Variants in FSTL4 observed in about 807,000 individuals in gnomAD.
The protein encoded by FSTL4 is follistatin-related protein 4.
FSTL4 carries 28 observed loss-of-function variants against 78.2 expected under a neutral mutation model. That is an observed-to-expected ratio of 0.36 (90% confidence interval 0.27 to 0.49). FSTL4 has a LOEUF of 0.49. Among genes scored for constraint, FSTL4 ranks in the 20% least tolerant of loss-of-function variants. The pLI is 0.98. For missense variants in FSTL4, 922 were observed against 1,084.9 expected, an observed-to-expected ratio of 0.85 and a Z score of 2.11; for synonymous variants, 422 against 440.5, an observed-to-expected ratio of 0.96 and a Z score of 0.53.
the FSTL4 span, among the ~76,000 whole-genome samples, chr5:133,817,242 C>T: frequency 6.6e-6 from 1 of 152,242 alleles, no homozygotes; most frequent in Non-Finnish European, 1.5e-5. Flanking sequence ...GCTCAGGTCA[C>T]ACTGCAAGTA....
chr5:133,651,495 G>C, the FSTL4 span, among the ~76,000 whole-genome samples: 1 of 151,990 alleles, frequency 6.6e-6, no homozygotes, highest in South Asian at 2.1e-4. Flanking sequence ...CTACTGATAT[G>C]ATCATGTGAT....
At chr5:133,740,360 A>G in the FSTL4 span, among the ~76,000 whole-genome samples, 131 of 152,230 alleles carry the variant, frequency 8.6e-4, 1 homozygote, top group Middle Eastern at 0.01. Context: ...CCATAAAGCA[A>G]TCCAGGCCCA....
At chr5:133,813,237 CG>C in the FSTL4 span, among the ~76,000 whole-genome samples, 1 of 152,094 alleles carries the variant, frequency 6.6e-6, no homozygotes, top group Non-Finnish European at 1.5e-5. Flanking sequence ...AAAAAATAAA[CG>C]TGAAATAAAT....
At chr5:133,676,670 C>G in the FSTL4 span, among the ~76,000 whole-genome samples, 6 of 152,194 alleles carry the variant, frequency 3.9e-5, no homozygotes, top group Non-Finnish European at 7.3e-5. Context: ...ACTAAATCTA[C>G]AGGCTCAGAT....
In FSTL4 at chr5:133,225,053, T is replaced by C. The variant is rs1430886612; in HGVS notation, c.1312+97A>G. The stretch of plus-strand genomic sequence containing the variant: ...GCTTACCCCTGTCTTCACGGGCTCA[T>C]GGTTGGCAGCTGTGGCCCTGGTCAA... On this transcript the variant is annotated intron_variant, in intron 10 of 15. Coordinates refer to ENST00000265342, the MANE Select transcript of FSTL4 (RefSeq NM_015082.2). The surrounding 1 kb of genome is among the most constrained non-coding windows in gnomAD (Gnocchi z 4.6). 7.2e-7 allele frequency: 1 copy of C among 1,396,026 alleles called. No individual in the cohort carries two copies. The highest frequency in any genetic ancestry group is 1.0e-6 in the Non-Finnish European group (1 of 991,260). 86.5% of individuals were successfully genotyped at this position (1,396,026 alleles called of 1,614,324 possible).
chr5:133,436,860 G>GGGA (rs1757044089), intron 3 of FSTL4, among the ~76,000 whole-genome samples: 2 of 152,310 alleles, frequency 1.3e-5, no homozygotes, highest in African/African-American at 4.8e-5. Context: ...AAAGAATGCA[G>GGGA]GGAGACTGGT....
At chr5:133,424,396 G>A (rs538190893) in intron 3 of FSTL4, among the ~76,000 whole-genome samples, 1 of 152,194 alleles carries the variant, frequency 6.6e-6, no homozygotes, top group East Asian at 1.9e-4. Flanking sequence ...CAACCCGAGG[G>A]GACTGTTTTG....
chr5:133,546,779 C>G (rs1032982840), intron 3 of FSTL4, among the ~76,000 whole-genome samples: 3 of 152,130 alleles, frequency 2.0e-5, no homozygotes, highest in Non-Finnish European at 2.9e-5. Context: ...GGTCTCTGTT[C>G]CCCACATTCC....
the FSTL4 span, among the ~76,000 whole-genome samples, chr5:133,747,363 G>A: frequency 6.6e-6 from 1 of 152,206 alleles, no homozygotes; most frequent in Non-Finnish European, 1.5e-5. Flanking sequence ...CAAATCCAGT[G>A]ATTCTATCAG....
chr5:133,462,514 G>A (rs1251463395), intron 3 of FSTL4, among the ~76,000 whole-genome samples: 1 of 152,186 alleles, frequency 6.6e-6, no homozygotes, highest in Non-Finnish European at 1.5e-5. Context: ...GAGGATGCAG[G>A]GGTTGACTCT....
intron 4 of FSTL4, among the ~76,000 whole-genome samples, chr5:133,384,593 G>A (rs779575765): frequency 2.6e-5 from 4 of 152,136 alleles, no homozygotes; most frequent in East Asian, 3.9e-4. Flanking sequence ...GTGATTCTCC[G>A]GTCTGCCCAC....
chr5:133,691,289 T>C, the FSTL4 span, among the ~76,000 whole-genome samples: 1 of 152,224 alleles, frequency 6.6e-6, no homozygotes, highest in Non-Finnish European at 1.5e-5. Context: ...AATACATAAT[T>C]GCCAGCCATA....
At chr5:133,284,589 C>G (rs1753086407) in intron 6 of FSTL4, among the ~76,000 whole-genome samples, 1 of 149,246 alleles carries the variant, frequency 6.7e-6, no homozygotes, top group Admixed American at 6.6e-5. Context: ...GACACAGCCC[C>G]TGGCATGTGC....
At chr5:133,572,843 C>T (rs537356505) in intron 2 of FSTL4, among the ~76,000 whole-genome samples, 1 of 151,946 alleles carries the variant, frequency 6.6e-6, no homozygotes, top group East Asian at 1.9e-4. Context: ...ACTGTCTCAT[C>T]CAAAAGAAGA....
At chr5:133,639,563 G>A in the FSTL4 span, among the ~76,000 whole-genome samples, 1 of 152,194 alleles carries the variant, frequency 6.6e-6, no homozygotes, top group Non-Finnish European at 1.5e-5. Flanking sequence ...AGCAAACCCA[G>A]AGCTTTGAGT....
At chr5:133,371,627 C>T (rs1455042458) in intron 4 of FSTL4, among the ~76,000 whole-genome samples, 1 of 152,202 alleles carries the variant, frequency 6.6e-6, no homozygotes, top group Non-Finnish European at 1.5e-5. Context: ...TCAGATGATT[C>T]ATGTGCGTAA....
chr5:133,681,508 G>C, the FSTL4 span, among the ~76,000 whole-genome samples: 3 of 149,154 alleles, frequency 2.0e-5, no homozygotes, highest in African/African-American at 7.3e-5. Context: ...CAAAATGTAA[G>C]AGTGATTTAC....
intron 4 of FSTL4, among the ~76,000 whole-genome samples, chr5:133,340,227 C>T (rs934322530): frequency 3.9e-5 from 6 of 152,196 alleles, no homozygotes; most frequent in African/African-American, 1.4e-4. Flanking sequence ...CAGAATGGCA[C>T]CTTGCCTGGC....
In FSTL4 at chr5:133,330,450, C is replaced by T. The variant is rs369767721; in HGVS notation, c.410-13798G>A. Among the ~76,000 whole-genome samples, 15 of 152,198 alleles carry T rather than the reference C, an allele frequency of 9.9e-5. No homozygotes were observed. In the East Asian group the frequency reaches 2.5e-3, roughly 25 times the overall value. ...GGGCAAGAGAGTGGGCAGAGAGATG[C>T]CACACCCTTTTAAACAACCAGATCT... On this transcript the variant is annotated intron_variant, in intron 4 of 15. Coordinates refer to ENST00000265342, the MANE Select transcript of FSTL4 (RefSeq NM_015082.2).
Sources: allele counts gnomAD v4.1 joint callset (sites outside exome capture counted in the v4.1 genomes callset), GRCh38; gene constraint gnomAD v4.1.1; non-coding constraint Gnocchi (gnomAD v3.1); transcripts MANE v1.5; gene names NCBI Gene and HGNC (gene_info 2026-07-23, HGNC 2026-07-21).